The following ANXA13 variants were observed in gnomAD, a reference collection of about 807,000 sequenced individuals.
ANXA13 encodes annexin A13.
A neutral mutation model predicts 46.6 loss-of-function variants in ANXA13; 36 were observed. That is an observed-to-expected ratio of 0.77 (90% CI 0.59 to 1.02). The LOEUF (loss-of-function observed/expected upper bound fraction) is 1.02, where lower values mean the gene tolerates loss of function less well. Ranked by LOEUF, ANXA13 falls within the 50% of genes least tolerant of loss-of-function variation. The probability of loss-of-function intolerance (pLI) is 0.00; values close to 1 mark genes in which losing one functional copy is unlikely to be tolerated. For synonymous variants in ANXA13, 163 were observed against 152.9 expected (o/e 1.07, Z -0.49); for missense variants, 417 against 396.5 (o/e 1.05, Z -0.44).
intron 9 of ANXA13, 142 bp downstream of exon 9, chr8:123,688,729 C>G: frequency 1.4e-6 from 1 of 695,010 alleles, no homozygotes; most frequent in Non-Finnish European, 2.5e-6. Flanking sequence ...ACATCACAGT[C>G]ACTCTCTCTC....
At chr8:123,684,090 G>C (rs1022006876) in intron 10 of ANXA13, among the ~76,000 whole-genome samples, 1 of 152,164 alleles carries the variant, frequency 6.6e-6, no homozygotes, top group South Asian at 2.1e-4. Context: ...ATTTCTTGTG[G>C]GGAAGGGATG....
At chr8:123,732,340 C>A (rs1296614499) in intron 1 of ANXA13, among the ~76,000 whole-genome samples, 3 of 152,210 alleles carry the variant, frequency 2.0e-5, no homozygotes, top group Non-Finnish European at 4.4e-5. Flanking sequence ...CTTCCAGGGT[C>A]ACTGTTCACA....
At chr8:123,733,312 C>A (rs1814163560) in intron 1 of ANXA13, among the ~76,000 whole-genome samples, 1 of 152,002 alleles carries the variant, frequency 6.6e-6, no homozygotes, top group East Asian at 1.9e-4. Flanking sequence ...GATTTGGGAT[C>A]ACAGTTTAAT....
intron 7 of ANXA13, 119 bp from the exon 8 acceptor site, chr8:123,693,417 T>A: frequency 1.2e-6 from 1 of 863,624 alleles, no homozygotes; most frequent in Non-Finnish European, 1.8e-6. Context: ...AGAAGTCAAA[T>A]GGACTAAGCA....
chr8:123,707,785 G>A (rs144424610), intron 2 of ANXA13, among the ~76,000 whole-genome samples: 3,809 of 151,992 alleles, frequency 0.025, 169 homozygotes, highest in African/African-American at 0.086. Context: ...CATGGCATAT[G>A]TATACCTATG....
At chr8:123,686,180 T>G (rs1813137004) in intron 9 of ANXA13, among the ~76,000 whole-genome samples, 1 of 152,076 alleles carries the variant, frequency 6.6e-6, no homozygotes, top group Non-Finnish European at 1.5e-5. Context: ...TGGAATAAAA[T>G]TATTCACTGC....
chr8:123,693,442 C>A (rs1813276936), intron 7 of ANXA13, 144 bp from the exon 8 acceptor site: 1 of 745,928 alleles, frequency 1.3e-6, no homozygotes, highest in Non-Finnish European at 2.2e-6. Context: ...CAGCTTCTAA[C>A]CCACAAATGT....
chr8:123,693,374 C>T (rs953497480), intron 7 of ANXA13, 76 bp from the exon 8 acceptor site: 4 of 1,282,292 alleles, frequency 3.1e-6, no homozygotes, highest in Admixed American at 2.0e-5. Context: ...GACTAGGCCT[C>T]ACTGACAGGA....
intron 2 of ANXA13, among the ~76,000 whole-genome samples, chr8:123,711,119 C>G (rs535887852): frequency 1.3e-5 from 2 of 152,136 alleles, no homozygotes; most frequent in Non-Finnish European, 2.9e-5. Flanking sequence ...GTCGTCTCCC[C>G]CTTCTCTGCT....
chr8:123,681,171 C>G lies in ANXA13; in HGVS notation c.*69G>C. ...GGTTTTCGTGCGGGAGTCTCATTTGCAAGTTTGATTTGGAATGTGCTCTTG... is the reference window on the plus strand; with the variant it reads ...GGTTTTCGTGCGGGAGTCTCATTTGGAAGTTTGATTTGGAATGTGCTCTTG... On this transcript the variant is annotated 3_prime_UTR_variant, in exon 11 of 11. Coordinates refer to ENST00000419625, the MANE Select transcript of ANXA13 (RefSeq NM_004306.4). 6.6e-7 allele frequency: 1 copy of G among 1,515,418 alleles called. No homozygotes were observed. 93.9% of individuals were successfully genotyped at this position (1,515,418 alleles called of 1,614,324 possible). A position where few individuals can be genotyped will look rare whatever the true frequency, so the allele number is the denominator to read the frequency against.
At chr8:123,724,067 G>A (rs930180009) in intron 1 of ANXA13, among the ~76,000 whole-genome samples, 5 of 152,172 alleles carry the variant, frequency 3.3e-5, no homozygotes, top group South Asian at 2.1e-4. Flanking sequence ...TAGAAATCTT[G>A]AGCTGAGAAT....
At chr8:123,700,683 C>G (rs928782230) in intron 3 of ANXA13, among the ~76,000 whole-genome samples, 6 of 152,170 alleles carry the variant, frequency 3.9e-5, no homozygotes, top group Non-Finnish European at 8.8e-5. Flanking sequence ...GATTAAGAAG[C>G]ATTGTATCCG....
intron 3 of ANXA13, among the ~76,000 whole-genome samples, chr8:123,700,453 A>C (rs189269876): frequency 1.0e-3 from 159 of 152,296 alleles, no homozygotes; most frequent in East Asian, 0.01. Context: ...CTGAGATTGG[A>C]TCATACCTAA....
At chr8:123,702,482 T>C (rs13258681) in intron 3 of ANXA13, among the ~76,000 whole-genome samples, 160 bp downstream of exon 3, 40,611 of 152,168 alleles carry the variant, frequency 0.27, 5,653 homozygotes, top group Middle Eastern at 0.35. Flanking sequence ...ATTTCAGTTT[T>C]TCTGAACTCC....
chr8:123,728,095 A>G (rs1346896208), intron 1 of ANXA13: 2 of 152,218 alleles, frequency 1.3e-5, no homozygotes, highest in African/African-American at 2.4e-5. Context: ...CCCAAGTGAC[A>G]TCTCTCTGTT....
At chr8:123,714,402 C>G (rs937834317) in intron 1 of ANXA13, among the ~76,000 whole-genome samples, 1 of 152,174 alleles carries the variant, frequency 6.6e-6, no homozygotes, top group Non-Finnish European at 1.5e-5. Flanking sequence ...GAGTCTGCTA[C>G]AGTGAAAGTG....
At chr8:123,722,333 AAAGAAAAGAAAAG>A in intron 1 of ANXA13, among the ~76,000 whole-genome samples, 1 of 137,236 alleles carries the variant, frequency 7.3e-6, no homozygotes, top group African/African-American at 2.8e-5. Flanking sequence ...AAAGAAAAAG[AAAGAAAAGAAAAG>A]AAAGAAAGAA....
chr8:123,724,399 C>G (rs1162861802), intron 1 of ANXA13, among the ~76,000 whole-genome samples: 1 of 152,186 alleles, frequency 6.6e-6, no homozygotes, highest in Admixed American at 6.5e-5. Context: ...ATCAGAATCT[C>G]TGAGGTACAG....
chr8:123,715,747 C>A (rs759406374), intron 1 of ANXA13, among the ~76,000 whole-genome samples: 37 of 152,280 alleles, frequency 2.4e-4, no homozygotes, highest in Non-Finnish European at 1.5e-5. Flanking sequence ...TTGCAGAGAC[C>A]GTGTGGAGAC....
Sources: allele counts gnomAD v4.1 joint callset (sites outside exome capture counted in the v4.1 genomes callset), GRCh38; gene constraint gnomAD v4.1.1; transcripts MANE v1.5; gene names NCBI Gene and HGNC (gene_info 2026-07-23, HGNC 2026-07-21).